The following ATP6V1C2 variants were observed in gnomAD, a reference collection of about 807,000 sequenced individuals.
ATP6V1C2 encodes the protein ATPase H+ transporting V1 subunit C2.
In ATP6V1C2, 45 loss-of-function variants were observed where a neutral mutation model predicts 56.8. The observed-to-expected ratio is 0.79, with a 90% CI of 0.62 to 1.02. ATP6V1C2 has a LOEUF of 1.02. Ranked by LOEUF, ATP6V1C2 falls within the 50% of genes least tolerant of loss-of-function variation. The pLI is 0.00. For missense variants in ATP6V1C2, 463 were observed against 519.7 expected, an observed-to-expected ratio of 0.89 and a Z score of 1.06; for synonymous variants, 220 against 201.3, an observed-to-expected ratio of 1.09 and a Z score of -0.79.
In ATP6V1C2 at chr2:10,763,161, G is replaced by A. The variant is rs372671668; in HGVS notation, c.284-1170G>A. On this transcript the variant is annotated intron_variant, in intron 4 of 13. Coordinates refer to ENST00000272238, the MANE Select transcript of ATP6V1C2 (RefSeq NM_001039362.2). The surrounding 1 kb of genome is among the most constrained non-coding windows in gnomAD (Gnocchi z 4.2). ...TCCTACCCCTTTCTGTTCAGCATCC[G>A]TCCACACTCCCTCTTCCCTGACTCA... Among the ~76,000 whole-genome samples, 18 of 152,144 alleles carry A rather than the reference G, an allele frequency of 1.2e-4. 1 individual carries two copies. The highest frequency in any genetic ancestry group is 3.9e-4 in the East Asian group (2 of 5,170).
chr2:10,776,618 G>C (rs116653290), intron 10 of ATP6V1C2, among the ~76,000 whole-genome samples: 4 of 152,204 alleles, frequency 2.6e-5, no homozygotes, highest in South Asian at 2.1e-4. Flanking sequence ...TTCCCAGCTC[G>C]ATTCAGTCCT....
intron 12 of ATP6V1C2, among the ~76,000 whole-genome samples, chr2:10,781,251 G>T (rs74963645): frequency 1.1e-4 from 16 of 152,120 alleles, no homozygotes; most frequent in Non-Finnish European, 1.8e-4. Flanking sequence ...TGGGGGAGGA[G>T]CGCCTTAAGC....
chr2:10,745,357 C>CA (rs1370462899), intron 3 of ATP6V1C2, among the ~76,000 whole-genome samples: 57 of 128,094 alleles, frequency 4.4e-4, no homozygotes, highest in Non-Finnish European at 8.3e-4. Context: ...CCTTTTTAAC[C>CA]GTTTTTTTTT....
Position 10,785,079 on chromosome 2 carries a change from T to C in ATP6V1C2, c.*1816T>C. 8.0e-7 allele frequency: 1 copy of C among 1,252,558 alleles called. No homozygotes were observed. Among genetic ancestry groups the C allele is most frequent in the Non-Finnish European group, 1.1e-6 (1 of 874,030 alleles). The allele number at this position is 1,252,558 out of a possible 1,614,324, so 77.6% of individuals were successfully genotyped here. The stretch of plus-strand genomic sequence containing the variant: ...CACACACACATTTACAATGGACTGC[T>C]GGTGCAGAAGAATAAACAACTTTAA... On this transcript the variant is annotated 3_prime_UTR_variant, in exon 14 of 14. Transcript: ENST00000272238.
chr2:10,730,777 C>T (rs554211550), intron 3 of ATP6V1C2, among the ~76,000 whole-genome samples: 9 of 151,972 alleles, frequency 5.9e-5, no homozygotes, highest in South Asian at 2.1e-4. Context: ...CTCAGCCTCC[C>T]GAGTAGCTGG....
In ATP6V1C2 at chr2:10,784,976, A is replaced by T; in HGVS notation, c.*1713A>T. ...CCCAAGGCTCTCTCTCAACGATGGT[A>T]GGGAAAGCCCCGCCTCCTACAGGTG... On this transcript the variant is annotated 3_prime_UTR_variant, in exon 14 of 14. Transcript: ENST00000272238. 6.3e-7 allele frequency: 1 copy of T among 1,592,640 alleles called. No homozygotes were observed. Among genetic ancestry groups the T allele is most frequent in the Non-Finnish European group, 8.6e-7 (1 of 1,168,260 alleles).
At chr2:10,777,385 C>T (rs747764885) in intron 10 of ATP6V1C2, among the ~76,000 whole-genome samples, 200 bp from the exon 11 acceptor site, 2 of 152,216 alleles carry the variant, frequency 1.3e-5, no homozygotes, top group Non-Finnish European at 2.9e-5. Context: ...AAGACCTTAA[C>T]ACTGCCCTTC....
intron 4 of ATP6V1C2, among the ~76,000 whole-genome samples, chr2:10,759,179 C>T (rs1663742665): frequency 6.6e-6 from 1 of 152,206 alleles, no homozygotes; most frequent in African/African-American, 2.4e-5. Flanking sequence ...CTGGAGTTTC[C>T]TTTTCTCAAC....
chr2:10,778,747 T>G, intron 12 of ATP6V1C2, 78 bp downstream of exon 12: 2 of 1,330,910 alleles, frequency 1.5e-6, no homozygotes, highest in Admixed American at 3.4e-5. Context: ...GCACCCCAGC[T>G]CCTGCCTTCT....
rs1304263693 is a variant in ATP6V1C2 at position 10,780,381 on chromosome 2, GCCTCCAATT to G, written c.1061+1715_1061+1723del. ...GCCATAAGCCTCCTCTCTGTTCTTG[GCCTCCAATT>G]CCCCTTCCATGTGGCTGTCAGTGTG... On this transcript the variant is annotated intron_variant, in intron 12 of 13. Coordinates refer to ENST00000272238, the MANE Select transcript of ATP6V1C2 (RefSeq NM_001039362.2). This position sits in a 1 kb window ranked among gnomAD's most constrained non-coding sequence, Gnocchi z 4.1. Among the ~76,000 whole-genome samples the G allele has an allele frequency of 6.6e-6, 1 of 152,164 alleles. No homozygotes were observed.
intron 13 of ATP6V1C2, 117 bp from the exon 14 acceptor site, chr2:10,783,057 C>A: frequency 1.4e-6 from 1 of 704,464 alleles, no homozygotes; most frequent in Non-Finnish European, 2.5e-6. Context: ...GAGGGGTGGA[C>A]CACAGCTACG....
intron 2 of ATP6V1C2, among the ~76,000 whole-genome samples, chr2:10,725,276 C>T (rs895380044): frequency 1.3e-5 from 2 of 151,292 alleles, no homozygotes; most frequent in African/African-American, 2.4e-5. Flanking sequence ...ATAAGCCAGG[C>T]GTGGGGCACA....
intron 13 of ATP6V1C2, 84 bp downstream of exon 13, chr2:10,782,459 A>C: frequency 6.9e-7 from 1 of 1,455,938 alleles, no homozygotes; most frequent in Admixed American, 1.8e-5. Context: ...TAATCCCAAC[A>C]CTTTGGGAGG....
chr2:10,776,119 A>C (rs1220020513), intron 10 of ATP6V1C2, among the ~76,000 whole-genome samples: 1 of 151,234 alleles, frequency 6.6e-6, no homozygotes, highest in Non-Finnish European at 1.5e-5. Flanking sequence ...AAGCGAGCCC[A>C]GCCACGGAGC....
Position 10,727,321 on chromosome 2 carries a change from C to T in ATP6V1C2, c.197+752C>T, listed in dbSNP as rs141655495. On this transcript the variant is annotated intron_variant, in intron 3 of 13. Transcript: ENST00000272238. The stretch of plus-strand genomic sequence containing the variant: ...CTGACCTCAGGTGATCCACCTGCCT[C>T]GACCTCCCAAAGTGTTGGGATTACA... Among the ~76,000 whole-genome samples the T allele has an allele frequency of 5.4e-3, 816 of 151,552 alleles. 8 individuals are homozygous for T. The highest frequency in any genetic ancestry group is 0.019 in the African/African-American group (770 of 41,280).
Position 10,784,917 on chromosome 2 carries a change from C to A in ATP6V1C2, c.*1654C>A. 1 of 1,532,262 alleles carries A rather than the reference C, an allele frequency of 6.5e-7. No individual in the cohort carries two copies. Among genetic ancestry groups the A allele is most frequent in the Non-Finnish European group, 8.9e-7 (1 of 1,122,372 alleles). 94.9% of individuals were successfully genotyped at this position (1,532,262 alleles called of 1,614,324 possible). The stretch of plus-strand genomic sequence containing the variant: ...ACCAGGACTGCTGCCCGCACAGCTT[C>A]CCTCCCGGGCACTCACCTCGCCATC... On this transcript the variant is annotated 3_prime_UTR_variant, in exon 14 of 14. Coordinates refer to ENST00000272238, the MANE Select transcript of ATP6V1C2 (RefSeq NM_001039362.2).
intron 11 of ATP6V1C2, 119 bp downstream of exon 11, chr2:10,777,841 T>TA: frequency 7.8e-7 from 1 of 1,283,004 alleles, no homozygotes; most frequent in Non-Finnish European, 1.0e-6. Flanking sequence ...TTTGAGGTCT[T>TA]AAATTTGAGG....
At chr2:10,774,201 G>A (rs959289212) in intron 8 of ATP6V1C2, among the ~76,000 whole-genome samples, 2 of 152,252 alleles carry the variant, frequency 1.3e-5, no homozygotes, top group African/African-American at 4.8e-5. Context: ...GGGTGACCCT[G>A]CCAGCATGCC....
rs576769730 is a variant in ATP6V1C2, at chr2:10,729,218, A to G, written c.197+2649A>G. ...CTCACTCTGTCACCCAGGCTGGAGT[A>G]GAGTAGCACGATCTGGGCTCACTAC... On this transcript the variant is annotated intron_variant, in intron 3 of 13. Transcript: ENST00000272238. Among the ~76,000 whole-genome samples, 1,066 of 149,878 alleles carry G rather than the reference A, an allele frequency of 7.1e-3. 11 individuals are homozygous for G. Among genetic ancestry groups the G allele is most frequent in the African/African-American group, 0.026 (1,039 of 40,400 alleles).
Sources: gnomAD v4.1 joint callset for allele counts (sites outside exome capture counted in the v4.1 genomes callset) on GRCh38, gnomAD v4.1.1 for gene constraint, Gnocchi (gnomAD v3.1) non-coding constraint, MANE v1.5 for transcripts, NCBI Gene and HGNC (gene_info 2026-07-23, HGNC 2026-07-21) for gene names.